XPR1: variants seen among roughly 807,000 people sequenced by gnomAD.
The protein encoded by XPR1 is xenotropic and polytropic retrovirus receptor 1.
A neutral mutation model predicts 87.5 loss-of-function variants in XPR1; 28 were observed. That is an observed-to-expected ratio of 0.32 (90% CI 0.24 to 0.44). The LOEUF (loss-of-function observed/expected upper bound fraction) is 0.44. Ranked by LOEUF, XPR1 falls within the 20% of genes least tolerant of loss-of-function variation. The pLI is 1.00. For synonymous variants in XPR1, 300 were observed against 306.1 expected (o/e 0.98, Z 0.21); for missense variants, 559 against 862.3 (o/e 0.65, Z 4.41).
intron 2 of XPR1, among the ~76,000 whole-genome samples, chr1:180,750,838 A>G (rs1647504620): frequency 6.6e-6 from 1 of 152,088 alleles, no homozygotes; most frequent in Non-Finnish European, 1.5e-5. Flanking sequence ...AGAAATTGAC[A>G]TATTAACATT....
intron 3 of XPR1, among the ~76,000 whole-genome samples, chr1:180,795,187 A>G (rs373067398): frequency 1.3e-5 from 2 of 152,196 alleles, no homozygotes; most frequent in Admixed American, 1.3e-4. Context: ...TTATTCTTCA[A>G]TTGCATAACA....
At chr1:180,696,190 GTGTGTGTGTGTGTGTGTGTATA>G (rs1222695466) in intron 2 of XPR1, among the ~76,000 whole-genome samples, 1 of 110,666 alleles carries the variant, frequency 9.0e-6, no homozygotes, top group Non-Finnish European at 1.8e-5. Flanking sequence ...GTGTGTGTGT[GTGTGTGTGTGTGTGTGTGTATA>G]TATATATATA....
intron 3 of XPR1, among the ~76,000 whole-genome samples, chr1:180,798,371 T>C (rs143502558): frequency 1.3e-5 from 2 of 152,200 alleles, no homozygotes; most frequent in East Asian, 3.9e-4. Context: ...AACTGGAAGA[T>C]AGAGCTGAAA....
intron 3 of XPR1, among the ~76,000 whole-genome samples, chr1:180,788,968 A>G (rs1434752111): frequency 6.6e-6 from 1 of 152,160 alleles, no homozygotes; most frequent in Non-Finnish European, 1.5e-5. Flanking sequence ...CATCTTACTC[A>G]GATATCCTTT....
chr1:180,735,529 G>C (rs779105665), intron 2 of XPR1, among the ~76,000 whole-genome samples: 7 of 152,062 alleles, frequency 4.6e-5, no homozygotes, highest in Non-Finnish European at 1.0e-4. Context: ...TGAAGTATTT[G>C]ATTTGTGTAC....
chr1:180,714,350 TCTCTCTCTC>T (rs1467970322), intron 2 of XPR1, among the ~76,000 whole-genome samples: 1 of 6,504 alleles, frequency 1.5e-4, no homozygotes, highest in Admixed American at 1.9e-3. Flanking sequence ...TTTTCCCTGT[TCTCTCTCTC>T]TCTCTCTCTC....
chr1:180,810,805 ATGTGTATATATATGTATATATATG>A (rs947747745), intron 6 of XPR1, among the ~76,000 whole-genome samples: 2 of 150,306 alleles, frequency 1.3e-5, no homozygotes, highest in South Asian at 2.1e-4. Flanking sequence ...ATATGTATAT[ATGTGTATATATATGTATATATATG>A]TGTGTATATA....
rs374572658 is a variant in XPR1 at position 180,662,498 on chromosome 1, A to T, written c.70-19862A>T. Reference sequence around the variant, plus strand: ...CACTGAAAAGTCTGCTGCCAGATGTATTGGAGCTCCATTGTATGTTATTTG... The same window carrying T: ...CACTGAAAAGTCTGCTGCCAGATGTTTTGGAGCTCCATTGTATGTTATTTG... On this transcript the variant is annotated intron_variant, in intron 1 of 14. Transcript: ENST00000367590. 2.0e-3 allele frequency among the ~76,000 whole-genome samples: 312 copies of T among 152,218 alleles called. 1 individual carries two copies. The highest frequency in any genetic ancestry group is 7.2e-3 in the African/African-American group (301 of 41,542).
intron 2 of XPR1, among the ~76,000 whole-genome samples, chr1:180,774,583 A>G (rs188233106): frequency 2.0e-4 from 30 of 151,356 alleles, no homozygotes; most frequent in South Asian, 1.0e-3. Flanking sequence ...GTTTTTTTGT[A>G]TATTTAGTAG....
At chr1:180,732,771 C>A (rs1658600726) in intron 2 of XPR1, among the ~76,000 whole-genome samples, 1 of 152,210 alleles carries the variant, frequency 6.6e-6, no homozygotes, top group Admixed American at 6.5e-5. Flanking sequence ...CTCAATTAGA[C>A]CCTTTACCTT....
chr1:180,778,254 G>A (rs1031841621), intron 2 of XPR1, among the ~76,000 whole-genome samples: 1 of 152,110 alleles, frequency 6.6e-6, no homozygotes, highest in Non-Finnish European at 1.5e-5. Context: ...AAAGCACTGG[G>A]ATTACAGGCA....
intron 7 of XPR1, among the ~76,000 whole-genome samples, chr1:180,822,666 C>T (rs1247579637): frequency 6.6e-6 from 1 of 152,168 alleles, no homozygotes; most frequent in East Asian, 1.9e-4. Flanking sequence ...ACTGAATACT[C>T]ATAATGAGCC....
intron 2 of XPR1, among the ~76,000 whole-genome samples, chr1:180,690,024 C>T (rs10399760): frequency 0.043 from 6,533 of 151,832 alleles, 502 homozygotes; most frequent in African/African-American, 0.15. Flanking sequence ...GGTGTGGTGG[C>T]GCATGCCTGT....
intron 1 of XPR1, among the ~76,000 whole-genome samples, chr1:180,643,286 C>CT (rs1287865744): frequency 2.0e-5 from 3 of 152,160 alleles, no homozygotes; most frequent in Admixed American, 6.6e-5. Flanking sequence ...TTAATATGTG[C>CT]TTTTTTTCAC....
chr1:180,664,977 A>G (rs1325343484), intron 1 of XPR1, among the ~76,000 whole-genome samples: 1 of 152,224 alleles, frequency 6.6e-6, no homozygotes, highest in Non-Finnish European at 1.5e-5. Context: ...GGTGGAGCTC[A>G]GGCAGTAATG....
chr1:180,673,054 T>C (rs1656239738), intron 1 of XPR1, among the ~76,000 whole-genome samples: 1 of 152,198 alleles, frequency 6.6e-6, no homozygotes, highest in African/African-American at 2.4e-5. Context: ...AGACATTTTG[T>C]TGATGATTGT....
chr1:180,769,133 T>C (rs1049010886), intron 2 of XPR1, among the ~76,000 whole-genome samples: 1 of 152,106 alleles, frequency 6.6e-6, no homozygotes, highest in Non-Finnish European at 1.5e-5. Flanking sequence ...TGTGGGCATG[T>C]AGTAGGTGTA....
intron 2 of XPR1, among the ~76,000 whole-genome samples, chr1:180,765,635 T>G (rs1417903975): frequency 1.3e-5 from 2 of 152,242 alleles, no homozygotes; most frequent in Non-Finnish European, 2.9e-5. Context: ...CATTTTCCTG[T>G]ATGTTTTAAA....
chr1:180,882,819 CTT>C (rs1652885633), intron 14 of XPR1, among the ~76,000 whole-genome samples: 1 of 152,216 alleles, frequency 6.6e-6, no homozygotes, highest in Non-Finnish European at 1.5e-5. Flanking sequence ...GTTGTCAACT[CTT>C]TGAAGAGAAA....
Sources: allele counts gnomAD v4.1 joint callset (sites outside exome capture counted in the v4.1 genomes callset), GRCh38; gene constraint gnomAD v4.1.1; transcripts MANE v1.5; gene names NCBI Gene and HGNC (gene_info 2026-07-23, HGNC 2026-07-21).